TRPM3: variants seen among roughly 807,000 people sequenced by gnomAD.
TRPM3 encodes long transient receptor potential channel 3.
In TRPM3, 77 loss-of-function variants were observed where a neutral mutation model predicts 181.2. The ratio of observed to expected loss-of-function variants is 0.42; its 90% CI spans 0.35 to 0.51. The LOEUF (loss-of-function observed/expected upper bound fraction) is 0.51, where lower values mean the gene tolerates loss of function less well. Ranked by LOEUF, TRPM3 falls within the 20% of genes least tolerant of loss-of-function variation. TRPM3 has a pLI of 0.01. For synonymous variants in TRPM3, 745 were observed against 796.4 expected (o/e 0.94, Z 1.09); for missense variants, 1,759 against 2,196.7 (o/e 0.80, Z 3.98).
intron 1 of TRPM3, among the ~76,000 whole-genome samples, chr9:71,257,312 G>C (rs973848219): frequency 6.6e-6 from 1 of 152,140 alleles, no homozygotes; most frequent in Non-Finnish European, 1.5e-5. Flanking sequence ...CTAGATGATA[G>C]GTTGGTAGAG....
intron 1 of TRPM3, among the ~76,000 whole-genome samples, chr9:71,063,541 T>C (rs2061561805): frequency 6.6e-6 from 1 of 152,062 alleles, no homozygotes; most frequent in Non-Finnish European, 1.5e-5. Context: ...TGTAAAAATC[T>C]TCATGGGAGG....
chr9:70,765,840 ATAGT>A (rs1432788870), intron 7 of TRPM3, among the ~76,000 whole-genome samples: 1 of 152,078 alleles, frequency 6.6e-6, no homozygotes, highest in East Asian at 1.9e-4. Context: ...TTTTACTGTA[ATAGT>A]TAATCATCAT....
chr9:70,787,419 G>A (rs577818609), intron 6 of TRPM3, among the ~76,000 whole-genome samples: 2 of 152,176 alleles, frequency 1.3e-5, no homozygotes, highest in South Asian at 4.2e-4. Context: ...AGCCTTTATA[G>A]GGTACAAACA....
At chr9:70,680,750 C>G (rs984388973) in intron 9 of TRPM3, among the ~76,000 whole-genome samples, 8 of 152,186 alleles carry the variant, frequency 5.3e-5, no homozygotes, top group African/African-American at 1.9e-4. Flanking sequence ...CAGCACTGAA[C>G]AGGAGAAACT....
intron 8 of TRPM3, among the ~76,000 whole-genome samples, chr9:70,688,669 C>T (rs1402092838): frequency 6.6e-6 from 1 of 152,210 alleles, no homozygotes; most frequent in Non-Finnish European, 1.5e-5. Flanking sequence ...TCTCAGGATC[C>T]TTTACGTTGT....
chr9:70,761,666 A>G lies in TRPM3; in HGVS notation c.1207T>C (p.Tyr403His). 1 of 1,613,942 alleles carries G rather than the reference A, an allele frequency of 6.2e-7. No homozygotes were observed. ...LLVTIQKTFT[Y>H]TRTQAQHLFI... The stretch of plus-strand genomic sequence containing the variant: ...AGATGCTGAGCTTGGGTTCGAGTGT[A>G]TGTGAAAGTCTTCTGTATAGTCACC... The change falls in exon 8 of 26, where the codon TAC becomes CAC. Residue 403 changes from tyrosine (Y) to histidine (H), a missense_variant. Transcript: ENST00000677713.
intron 1 of TRPM3, among the ~76,000 whole-genome samples, chr9:71,316,884 G>A (rs2088650519): frequency 1.3e-5 from 2 of 152,092 alleles, no homozygotes; most frequent in African/African-American, 2.4e-5. Context: ...AATCCTGTGG[G>A]CCACCTGCCT....
intron 1 of TRPM3, among the ~76,000 whole-genome samples, chr9:71,356,334 C>T (rs756817331): frequency 1.3e-5 from 2 of 152,030 alleles, no homozygotes; most frequent in Non-Finnish European, 2.9e-5. Flanking sequence ...TTTCCACCCC[C>T]CAATAGGCCC....
chr9:71,032,532 T>C (rs2134710711), intron 1 of TRPM3, among the ~76,000 whole-genome samples: 1 of 152,222 alleles, frequency 6.6e-6, no homozygotes, highest in South Asian at 2.1e-4. Flanking sequence ...CCAATGTATT[T>C]TGAGGTAGTG....
rs192596761 is a variant in TRPM3 at position 70,811,038 on chromosome 9, C to T, written c.973+16809G>A. ...ACTAATTTCTGATGTGGTTGAATGT[C>T]AGAAGAGATAGAGATAAAACAACAG... On this transcript the variant is annotated intron_variant, in intron 6 of 25. Coordinates refer to ENST00000677713, the MANE Select transcript of TRPM3 (RefSeq NM_001366145.2). 5.8e-5 allele frequency: 41 copies of T among 707,924 alleles called. No homozygotes were observed. In the East Asian group the frequency reaches 1.1e-3, roughly 19 times the overall value. The allele number at this position is 707,924 out of a possible 1,614,324, so 43.9% of individuals were successfully genotyped here. A position where few individuals can be genotyped will look rare whatever the true frequency, so the allele number is the denominator to read the frequency against.
intron 25 of TRPM3, among the ~76,000 whole-genome samples, chr9:70,538,342 G>A (rs1454482102): frequency 6.6e-6 from 1 of 152,106 alleles, no homozygotes; most frequent in Non-Finnish European, 1.5e-5. Flanking sequence ...TGTTGCCCAG[G>A]CTGGTCTCAA....
intron 1 of TRPM3, among the ~76,000 whole-genome samples, chr9:71,118,169 GCT>G (rs1482882216): frequency 6.6e-6 from 1 of 152,120 alleles, no homozygotes; most frequent in African/African-American, 2.4e-5. Context: ...TTGAAAACAG[GCT>G]CTGTCTTTTG....
chr9:70,921,458 T>C (rs752545585), intron 1 of TRPM3, among the ~76,000 whole-genome samples: 1 of 152,204 alleles, frequency 6.6e-6, no homozygotes, highest in Non-Finnish European at 1.5e-5. Flanking sequence ...GCTATTAGCA[T>C]TAGCCAGGCC....
intron 1 of TRPM3, among the ~76,000 whole-genome samples, chr9:71,347,940 A>G (rs926796580): frequency 2.0e-5 from 3 of 152,138 alleles, no homozygotes; most frequent in Admixed American, 6.5e-5. Flanking sequence ...GGGCTGATTG[A>G]TTTGCACTAA....
chr9:70,822,917 A>G (rs1255754383), intron 6 of TRPM3, among the ~76,000 whole-genome samples: 1 of 151,964 alleles, frequency 6.6e-6, no homozygotes, highest in African/African-American at 2.4e-5. Flanking sequence ...CACCTTGATA[A>G]TCTAGCAAGG....
chr9:71,133,938 C>T (rs1436279448), intron 1 of TRPM3, among the ~76,000 whole-genome samples: 1 of 151,570 alleles, frequency 6.6e-6, no homozygotes, highest in Admixed American at 6.6e-5. Context: ...CCTTACTGGT[C>T]TCATTATTTT....
intron 8 of TRPM3, among the ~76,000 whole-genome samples, chr9:70,757,100 AG>A (rs1346138208): frequency 1.3e-5 from 2 of 152,244 alleles, no homozygotes; most frequent in Non-Finnish European, 2.9e-5. Flanking sequence ...AGACTAATAA[AG>A]AAGAAAAGAG....
intron 8 of TRPM3, among the ~76,000 whole-genome samples, chr9:70,700,300 G>GAAAC (rs887580514): frequency 1.4e-4 from 22 of 152,166 alleles, no homozygotes; most frequent in African/African-American, 4.8e-4. Context: ...GCTCTTAACA[G>GAAAC]AAACAGGAAA....
intron 1 of TRPM3, among the ~76,000 whole-genome samples, chr9:71,202,249 G>A (rs1404059032): frequency 1.3e-5 from 2 of 152,162 alleles, no homozygotes; most frequent in Non-Finnish European, 2.9e-5. Flanking sequence ...ACCGGGGGGT[G>A]CCTCCCAGTT....
Sources: allele counts gnomAD v4.1 joint callset (sites outside exome capture counted in the v4.1 genomes callset), GRCh38; gene constraint gnomAD v4.1.1; transcripts MANE v1.5; gene names NCBI Gene and HGNC (gene_info 2026-07-23, HGNC 2026-07-21).